The following CEP83 variants were observed in gnomAD, a reference collection of about 807,000 sequenced individuals.
CEP83 encodes the protein centrosomal protein of 83 kDa.
CEP83 carries 70 observed loss-of-function variants against 101.9 expected under a neutral mutation model. That is an observed-to-expected ratio of 0.69 (90% CI 0.57 to 0.84). The LOEUF (loss-of-function observed/expected upper bound fraction) is 0.84. CEP83 is among the 40% of genes least tolerant of loss of function. The pLI is 0.00. For missense variants in CEP83, 715 were observed against 787.2 expected, an observed-to-expected ratio of 0.91 and a Z score of 1.10; for synonymous variants, 264 against 267.9, an observed-to-expected ratio of 0.99 and a Z score of 0.14.
chr12:94,381,044 A>T (rs2061821551), intron 6 of CEP83, among the ~76,000 whole-genome samples: 1 of 152,194 alleles, frequency 6.6e-6, no homozygotes, highest in Non-Finnish European at 1.5e-5. Context: ...TCAGGCAACA[A>T]ATATTTACTG....
At chr12:94,366,104 G>A (rs966212364) in intron 11 of CEP83, among the ~76,000 whole-genome samples, 1 of 151,958 alleles carries the variant, frequency 6.6e-6, no homozygotes, top group Non-Finnish European at 1.5e-5. Flanking sequence ...TGTGGGAAGT[G>A]GCATTTTTTT....
At chr12:94,436,894 T>C (rs1450635204) in intron 1 of CEP83, among the ~76,000 whole-genome samples, 3 of 145,280 alleles carry the variant, frequency 2.1e-5, no homozygotes. Context: ...TTTTAGAAAA[T>C]GAATAAAGCC....
intron 11 of CEP83, among the ~76,000 whole-genome samples, chr12:94,348,022 T>C (rs2060019559): frequency 6.6e-6 from 1 of 151,976 alleles, no homozygotes; most frequent in South Asian, 2.1e-4. Context: ...ATCTAATAAA[T>C]AAACCAAAAT....
the CEP83 span, among the ~76,000 whole-genome samples, chr12:94,268,911 G>A: frequency 6.6e-6 from 1 of 152,038 alleles, no homozygotes; most frequent in Non-Finnish European, 1.5e-5. Context: ...AAGACCTATT[G>A]CTCTGCTGGG....
In CEP83 at chr12:94,345,453, G is replaced by A. The variant is rs145279698; in HGVS notation, c.1344-9789C>T. On this transcript the variant is annotated intron_variant, in intron 11 of 16. Coordinates refer to ENST00000397809, the MANE Select transcript of CEP83 (RefSeq NM_016122.3). Reference sequence around the variant, plus strand: ...GAGGCAGCTTCAGAACAGCTTCAGAGTGATAAAGGCGAAAGACAGTCTTTG... The same window carrying A: ...GAGGCAGCTTCAGAACAGCTTCAGAATGATAAAGGCGAAAGACAGTCTTTG... Among the ~76,000 whole-genome samples the A allele has an allele frequency of 5.3e-3, 804 of 152,268 alleles. 5 individuals are homozygous for A. The highest frequency in any genetic ancestry group is 0.019 in the African/African-American group (777 of 41,538).
chr12:94,278,775 A>G, the CEP83 span, among the ~76,000 whole-genome samples: 1 of 152,168 alleles, frequency 6.6e-6, no homozygotes, highest in African/African-American at 2.4e-5. Flanking sequence ...AGGTGGGCAG[A>G]TCACAAGGTC....
intron 1 of CEP83, among the ~76,000 whole-genome samples, chr12:94,436,819 T>A (rs1385790657): frequency 2.4e-5 from 3 of 125,166 alleles, no homozygotes; most frequent in African/African-American, 3.1e-5. Flanking sequence ...AGGGGGAGAC[T>A]CCATCTCAAA....
Position 94,333,490 on chromosome 12 carries a change from T to G in CEP83, c.1569A>C (p.Glu523Asp). ...FRSQAEKAQL[E>D]AEKTLEEKQI... Reference sequence around the variant, plus strand: ...TAAAGAGCAAACTCTACTTTTCAGCTTCTAGTTGCGCTTTTTCAGCTTGGC... The same window carrying G: ...TAAAGAGCAAACTCTACTTTTCAGCGTCTAGTTGCGCTTTTTCAGCTTGGC... The change falls in exon 13 of 17, where the codon GAA becomes GAC. Residue 523 changes from glutamate (E) to aspartate (D), a missense_variant. Physicochemically the swap from Glu to Asp is conservative, Grantham distance 45. Transcript: ENST00000397809. 6.2e-7 allele frequency: 1 copy of G among 1,612,966 alleles called. No individual in the cohort carries two copies. Among genetic ancestry groups the G allele is most frequent in the Non-Finnish European group, 8.5e-7 (1 of 1,179,610 alleles).
At chr12:94,315,629 A>C (rs1970559199) in intron 14 of CEP83, among the ~76,000 whole-genome samples, 1 of 152,004 alleles carries the variant, frequency 6.6e-6, no homozygotes. Flanking sequence ...AACTTTTTGC[A>C]TCCTGCTTAT....
intron 11 of CEP83, among the ~76,000 whole-genome samples, chr12:94,354,946 T>G (rs1388997956): frequency 6.6e-6 from 1 of 151,810 alleles, no homozygotes; most frequent in Non-Finnish European, 1.5e-5. Flanking sequence ...AGGTTGCAGT[T>G]AGCTGAGATC....
At chr12:94,268,821 C>CT in the CEP83 span, among the ~76,000 whole-genome samples, 1 of 152,034 alleles carries the variant, frequency 6.6e-6, no homozygotes. Context: ...TCTTGAACTC[C>CT]TGGCCTCAAG....
the CEP83 span, among the ~76,000 whole-genome samples, chr12:94,269,593 C>T: frequency 6.6e-6 from 1 of 152,220 alleles, no homozygotes; most frequent in Non-Finnish European, 1.5e-5. Context: ...CGTAATTAAA[C>T]AACCCACTGT....
chr12:94,438,795 T>A (rs2066187092), intron 1 of CEP83, among the ~76,000 whole-genome samples: 1 of 152,172 alleles, frequency 6.6e-6, no homozygotes. Flanking sequence ...TCTCAATAAA[T>A]TTAAGAAAAT....
intron 14 of CEP83, among the ~76,000 whole-genome samples, chr12:94,317,631 T>C (rs1970921135): frequency 2.0e-5 from 3 of 152,210 alleles, no homozygotes; most frequent in Admixed American, 2.0e-4. Context: ...CTTCTGCATA[T>C]GGCTAGCTGT....
the CEP83 span, chr12:94,282,740 C>T: frequency 5.2e-6 from 1 of 190,538 alleles, no homozygotes; most frequent in Non-Finnish European, 1.1e-5. Flanking sequence ...CGTGCTGATG[C>T]TAAACAAAGC....
intron 3 of CEP83, 31 bp from the exon 4 acceptor site, chr12:94,411,878 A>C (rs775771173): frequency 6.4e-7 from 1 of 1,569,486 alleles, no homozygotes; most frequent in Non-Finnish European, 8.7e-7. Context: ...TTCAATTTTG[A>C]GTAAATCCTT....
intron 2 of CEP83, among the ~76,000 whole-genome samples, chr12:94,422,469 T>A (rs1257511070): frequency 1.3e-5 from 2 of 152,220 alleles, no homozygotes; most frequent in African/African-American, 2.4e-5. Flanking sequence ...TATAATCTTA[T>A]GGTACCACTG....
At chr12:94,424,614 C>G in intron 2 of CEP83, 1 of 1,613,424 alleles carries the variant, frequency 6.2e-7, no homozygotes, top group African/African-American at 1.3e-5. Flanking sequence ...ACACCACTGG[C>G]CTTCAGTGCT....
chr12:94,333,251 A>G (rs771866282), intron 13 of CEP83, among the ~76,000 whole-genome samples: 2 of 152,112 alleles, frequency 1.3e-5, no homozygotes, highest in Non-Finnish European at 2.9e-5. Flanking sequence ...TCAGAATACT[A>G]TACTGTCAGA....
Sources: gnomAD v4.1 joint callset for allele counts (sites outside exome capture counted in the v4.1 genomes callset) on GRCh38, gnomAD v4.1.1 for gene constraint, MANE v1.5 for transcripts, NCBI Gene and HGNC (gene_info 2026-07-23, HGNC 2026-07-21) for gene names.